TMEM79: variants seen among roughly 807,000 people sequenced by gnomAD.
TMEM79 encodes the protein transmembrane protein 79.
TMEM79 carries 30 observed loss-of-function variants against 31.2 expected under a neutral mutation model. The observed-to-expected ratio is 0.96, with a 90% confidence interval of 0.72 to 1.30. TMEM79 has a LOEUF of 1.30. TMEM79 is among the 50% of genes most tolerant of loss of function. TMEM79 has a pLI of 0.00. For synonymous variants in TMEM79, 213 were observed against 229.5 expected (o/e 0.93, Z 0.65); for missense variants, 509 against 528.2 (o/e 0.96, Z 0.36).
At chr1:156,283,572 G>A (rs1299481233), upstream of TMEM79, among the ~76,000 whole-genome samples, 1 of 152,222 alleles carries the variant, frequency 6.6e-6, no homozygotes, top group Admixed American at 6.5e-5. Flanking sequence ...ACAGCTAGGA[G>A]CGTGACTGCT....
At chr1:156,283,022 A>G (rs1663042635), upstream of TMEM79, 1 of 492,044 alleles carries the variant, frequency 2.0e-6, no homozygotes, top group South Asian at 3.5e-5. Context: ...GAGAACGGAC[A>G]GTGTACCCAC....
At chr1:156,283,850 A>G (rs1291750272), upstream of TMEM79, among the ~76,000 whole-genome samples, 1 of 152,178 alleles carries the variant, frequency 6.6e-6, no homozygotes, top group Non-Finnish European at 1.5e-5. Context: ...CTTACCAAAG[A>G]GGTCTTTCCT....
Position 156,285,974 on chromosome 1 carries a change from A to G in TMEM79, c.748A>G (p.Ile250Val), listed in dbSNP as rs1663148050. Residue 250 changes from isoleucine to valine, a missense_variant, in exon 2 of 4, where the codon ATT becomes GTT. Physicochemically the swap from Ile to Val is conservative, Grantham distance 29. Coordinates refer to ENST00000405535, the MANE Select transcript of TMEM79 (RefSeq NM_032323.3). ...CTGCGGGGTCTTTGCCACCTTCCCC[A>G]TTGTGCTGGGTGAGCCTGTGAGAAG... ...LRCGVFATFP[I>V]VLGILVYGLS... The G allele has an allele frequency of 1.9e-6, 3 of 1,605,302 alleles. No homozygotes were observed. Among genetic ancestry groups the G allele is most frequent in the Non-Finnish European group, 2.6e-6 (3 of 1,175,686 alleles).
rs113782536 is a variant in TMEM79 at position 156,289,787 on chromosome 1, C to T, written c.972-1598C>T. ...CTTCATATATTAAGAAGTGATCCTT[C>T]ATATATTAAGAGGAAGTTGCTCTCC... On this transcript the variant is annotated intron_variant, in intron 3 of 3. Transcript: ENST00000405535. Among the ~76,000 whole-genome samples the T allele has an allele frequency of 7.9e-3, 1,200 of 152,270 alleles. 23 individuals carry two copies. Among genetic ancestry groups the T allele is most frequent in the African/African-American group, 0.027 (1,101 of 41,544 alleles).
intron 3 of TMEM79, chr1:156,290,012 G>A (rs1023032406): frequency 6.6e-6 from 1 of 152,134 alleles, no homozygotes; most frequent in Non-Finnish European, 1.5e-5. Context: ...GTGTGATCTT[G>A]GACCAGTCTT....
chr1:156,288,531 T>G lies in TMEM79; in HGVS notation c.971+2058T>G, dbSNP rs542422457. On this transcript the variant is annotated intron_variant, in intron 3 of 3. Coordinates refer to ENST00000405535, the MANE Select transcript of TMEM79 (RefSeq NM_032323.3). ...TTTTGTATTTTTAGTAGAGACAGGGTTTCAACATGTTGGCCAGGCTGGTCT... is the reference window on the plus strand; with the variant it reads ...TTTTGTATTTTTAGTAGAGACAGGGGTTCAACATGTTGGCCAGGCTGGTCT... Among the ~76,000 whole-genome samples, 10 of 151,856 alleles carry G rather than the reference T, an allele frequency of 6.6e-5. 1 individual carries two copies. In the South Asian group the frequency reaches 1.7e-3, roughly 25 times the overall value.
At chr1:156,289,380 G>A (rs938336914) in intron 3 of TMEM79, among the ~76,000 whole-genome samples, 2 of 150,910 alleles carry the variant, frequency 1.3e-5, no homozygotes, top group Admixed American at 6.6e-5. Flanking sequence ...AGGCCAAGGC[G>A]GGTGGATCAC....
chr1:156,283,106 T>C (rs1275881400), upstream of TMEM79: 1 of 356,560 alleles, frequency 2.8e-6, no homozygotes, highest in African/African-American at 2.1e-5. Flanking sequence ...TGTCCTACAA[T>C]GGTCATTTGG....
At chr1:156,286,039 C>T in intron 2 of TMEM79, 56 bp downstream of exon 2, 2 of 1,559,190 alleles carry the variant, frequency 1.3e-6, no homozygotes, top group Non-Finnish European at 8.7e-7. Flanking sequence ...AGGGCAGGGC[C>T]TGGCTGGTGT....
intron 3 of TMEM79, among the ~76,000 whole-genome samples, chr1:156,287,037 C>T (rs945367949): frequency 1.3e-5 from 2 of 152,106 alleles, no homozygotes; most frequent in African/African-American, 4.8e-5. Context: ...GCAGGAGAAT[C>T]GCTTGAGTCC....
chr1:156,286,580 G>C (rs1663170458), intron 3 of TMEM79, 107 bp downstream of exon 3: 1 of 1,133,106 alleles, frequency 8.8e-7, no homozygotes, highest in South Asian at 1.4e-5. Context: ...ATTCTACACT[G>C]GCCCAAATGT....
At position 156,286,270 on chromosome 1, in the gene TMEM79, G is replaced by A. The variant is rs1165877405; in HGVS notation, c.768G>A (p.Val256=). ...ATFPIVLGIL[V]YGLSLLCFSA... Reference sequence around the variant, plus strand: ...CCCAACTCCACCCAGGGATCCTGGTGTACGGGCTGAGCCTGTTATGCTTTT... The same window carrying A: ...CCCAACTCCACCCAGGGATCCTGGTATACGGGCTGAGCCTGTTATGCTTTT... The change falls in exon 3 of 4, where the codon GTG becomes GTA. Residue 256 remains valine, a synonymous_variant. Transcript: ENST00000405535. 3 of 1,614,178 alleles carry A rather than the reference G, an allele frequency of 1.9e-6. No homozygotes were observed. The highest frequency in any genetic ancestry group is 2.2e-5 in the East Asian group (1 of 44,886).
intron 1 of TMEM79, 57 bp from the exon 2 acceptor site, chr1:156,285,127 T>C: frequency 7.0e-7 from 1 of 1,437,130 alleles, no homozygotes. Flanking sequence ...TCTGTCAACC[T>C]GTCCTAATAA....
At position 156,285,290 on chromosome 1, in the gene TMEM79, T is replaced by C. The variant is rs1265870959; in HGVS notation, c.64T>C (p.Ser22Pro). 1.9e-6 allele frequency: 3 copies of C among 1,573,338 alleles called. No homozygotes were observed. The African/African-American group carries it at 4.1e-5, about 21-fold the overall frequency. Reference sequence around the variant, plus strand: ...GAGGTCTGATTCCCCAGAGAAGAGCTCACCCCAGGCCTTGGTTCCCAATGG... The same window carrying C: ...GAGGTCTGATTCCCCAGAGAAGAGCCCACCCCAGGCCTTGGTTCCCAATGG... ...VKRSDSPEKS[S>P]PQALVPNGRQ... Residue 22 changes from serine to proline, a missense_variant, in exon 2 of 4, where the codon TCA becomes CCA. Transcript: ENST00000405535.
chr1:156,291,311 C>G (rs748092831), intron 3 of TMEM79, 74 bp from the exon 4 acceptor site: 88 of 1,409,292 alleles, frequency 6.2e-5, no homozygotes, highest in Middle Eastern at 3.6e-4. Flanking sequence ...TCTACTCCCC[C>G]CACCGTCAGC....
chr1:156,286,795 C>T (rs751500366), intron 3 of TMEM79, among the ~76,000 whole-genome samples: 4 of 152,198 alleles, frequency 2.6e-5, no homozygotes, highest in Non-Finnish European at 2.9e-5. Context: ...CCCCTGTAAC[C>T]AAATGTACAA....
In TMEM79 at chr1:156,285,180, G is replaced by A; in HGVS notation, c.-43-4G>A. On this transcript the variant is annotated splice_polypyrimidine_tract_variant and splice_region_variant and intron_variant, in intron 1 of 3. Transcript: ENST00000405535. The stretch of plus-strand genomic sequence containing the variant: ...CTGACAGAGCTTTCCTCTGTTCCCT[G>A]CAGGATGACATGACCTTGTGGTAGA... The A allele has an allele frequency of 6.6e-7, 1 of 1,512,492 alleles. No homozygotes were observed. Among genetic ancestry groups the A allele is most frequent in the Non-Finnish European group, 8.8e-7 (1 of 1,131,968 alleles). The allele number at this position is 1,512,492 out of a possible 1,614,324, so 93.7% of individuals were successfully genotyped here.
In TMEM79 at chr1:156,286,220, TG is replaced by T. The variant is rs564233156; in HGVS notation, c.758-39del. On this transcript the variant is annotated intron_variant, in intron 2 of 3. Transcript: ENST00000405535. ...CTTACTGCCTCTTGTGCCCTTCCCC[TG>T]CCTTTTCTGACCCTACCCTGTTTCC... is the stretch of plus-strand genomic sequence containing the variant. 2.3e-3 allele frequency: 3,733 copies of T among 1,600,626 alleles called. 9 individuals are homozygous for T. The highest frequency in any genetic ancestry group is 3.0e-3 in the Non-Finnish European group (3,494 of 1,169,424).
At chr1:156,286,549 C>T in intron 3 of TMEM79, 76 bp downstream of exon 3, 1 of 1,486,398 alleles carries the variant, frequency 6.7e-7, no homozygotes, top group East Asian at 2.3e-5. Flanking sequence ...GTCTGGAGAG[C>T]CAGGGTCAGG....
Sources: allele counts gnomAD v4.1 joint callset (sites outside exome capture counted in the v4.1 genomes callset), GRCh38; gene constraint gnomAD v4.1.1; transcripts MANE v1.5; gene names NCBI Gene and HGNC (gene_info 2026-07-23, HGNC 2026-07-21).